RHEX: variants seen among roughly 807,000 people sequenced by gnomAD.
The protein encoded by RHEX is regulator of hemoglobinization and erythroid cell expansion.
In RHEX, 18 loss-of-function variants were observed where a neutral mutation model predicts 20.1. The observed-to-expected ratio is 0.90, with a 90% CI of 0.62 to 1.33. The LOEUF (loss-of-function observed/expected upper bound fraction) is 1.33, where lower values mean the gene tolerates loss of function less well. Among genes scored for constraint, RHEX ranks in the 40% most tolerant of loss-of-function variants. RHEX has a pLI of 0.00. For missense variants in RHEX, 192 were observed against 214.3 expected (o/e 0.90, Z 0.65); for synonymous variants, 87 against 77.1 (o/e 1.13, Z -0.67).
At chr1:206,071,859 C>CAAAAA (rs1245558004) in intron 1 of RHEX, among the ~76,000 whole-genome samples, 1 of 47,316 alleles carries the variant, frequency 2.1e-5, no homozygotes, top group African/African-American at 7.4e-5. Context: ...TCCAACAACT[C>CAAAAA]AAAAAAAAAA....
At chr1:206,081,989 A>C (rs889854359) in intron 1 of RHEX, among the ~76,000 whole-genome samples, 1 of 152,230 alleles carries the variant, frequency 6.6e-6, no homozygotes, top group Non-Finnish European at 1.5e-5. Flanking sequence ...GGGCAAACCT[A>C]GAGCAGGTGG....
intron 1 of RHEX, among the ~76,000 whole-genome samples, chr1:206,079,771 G>C (rs1055538935): frequency 1.3e-5 from 2 of 152,136 alleles, no homozygotes; most frequent in African/African-American, 4.8e-5. Context: ...GGTCATGCTG[G>C]TCTCAAACTC....
At chr1:206,079,441 A>T (rs1162193081) in intron 1 of RHEX, among the ~76,000 whole-genome samples, 1 of 152,226 alleles carries the variant, frequency 6.6e-6, no homozygotes, top group Non-Finnish European at 1.5e-5. Context: ...AACCAAAAAA[A>T]TTAGTATGTA....
intron 1 of RHEX, among the ~76,000 whole-genome samples, chr1:206,058,480 G>A (rs1323861216): frequency 6.6e-6 from 1 of 152,230 alleles, no homozygotes; most frequent in South Asian, 2.1e-4. Context: ...TTTATACTCA[G>A]TACCTCTTTT....
At chr1:206,078,282 G>A (rs1358484002) in intron 1 of RHEX, among the ~76,000 whole-genome samples, 5 of 152,184 alleles carry the variant, frequency 3.3e-5, no homozygotes, top group Admixed American at 2.0e-4. Context: ...GCTCATGTCT[G>A]TAATCCCAGC....
rs1663207065 is a variant in RHEX, at chr1:206,102,231, T to C, written c.*279T>C. The C allele has an allele frequency of 2.2e-6, 1 of 459,322 alleles. No individual in the cohort carries two copies. The highest frequency in any genetic ancestry group is 3.9e-6 in the Non-Finnish European group (1 of 254,074). 28.5% of individuals were successfully genotyped at this position (459,322 alleles called of 1,614,324 possible). ...CCCGGCAAGAAAGGTTGAGATCAGA[T>C]GTTAGGAAGAACTTTCAGGTAAAGT... is the stretch of plus-strand genomic sequence containing the variant. On this transcript the variant is annotated 3_prime_UTR_variant, in exon 6 of 6. Transcript: ENST00000331555.
intron 1 of RHEX, among the ~76,000 whole-genome samples, chr1:206,059,627 T>A (rs1489517581): frequency 2.0e-5 from 3 of 152,002 alleles, no homozygotes; most frequent in Non-Finnish European, 4.4e-5. Flanking sequence ...AAGAGAGCTT[T>A]GGGTTTGGAG....
rs1161308377 is a variant in RHEX at position 206,067,286 on chromosome 1, C to A, written c.-97+14021C>A. On this transcript the variant is annotated intron_variant, in intron 1 of 5. Transcript: ENST00000331555. The surrounding 1 kb of genome is among the most constrained non-coding windows in gnomAD (Gnocchi z 4.6). ...TTTCATTCTGGTTCCACAGGGGACT[C>A]CAGAACGTGATTCCCGGTCTCTCCA... Among the ~76,000 whole-genome samples the A allele has an allele frequency of 1.3e-5, 2 of 152,132 alleles. No individual in the cohort carries two copies. The highest frequency in any genetic ancestry group is 2.9e-5 in the Non-Finnish European group (2 of 68,030).
chr1:206,061,915 A>G, intron 1 of RHEX: 1 of 152,284 alleles, frequency 6.6e-6, no homozygotes, highest in Middle Eastern at 3.4e-3. Context: ...TGTGTTTAAA[A>G]AAAAAAAAAT....
chr1:206,079,471 G>A (rs1391352232), intron 1 of RHEX, among the ~76,000 whole-genome samples: 1 of 152,192 alleles, frequency 6.6e-6, no homozygotes, highest in Non-Finnish European at 1.5e-5. Flanking sequence ...CCATCACAGT[G>A]TAGTTGCCAA....
At chr1:206,055,801 G>A (rs1027423911) in intron 1 of RHEX, among the ~76,000 whole-genome samples, 18 of 152,274 alleles carry the variant, frequency 1.2e-4, no homozygotes, top group African/African-American at 3.9e-4. Context: ...AAGAGAAAAA[G>A]TGGCAGTTGG....
chr1:206,062,217 G>GTAAA (rs1553283388), intron 1 of RHEX: 1 of 152,198 alleles, frequency 6.6e-6, no homozygotes, highest in African/African-American at 2.4e-5. Context: ...TCTAAAAAAA[G>GTAAA]TAAATAAATA....
chr1:206,086,019 C>T (rs1012834944), intron 1 of RHEX, among the ~76,000 whole-genome samples: 9 of 152,130 alleles, frequency 5.9e-5, no homozygotes, highest in Non-Finnish European at 1.3e-4. Flanking sequence ...TCCTGTAACC[C>T]TCTGTTGTCC....
At chr1:206,068,898 G>A (rs1662479042) in intron 1 of RHEX, among the ~76,000 whole-genome samples, 1 of 152,226 alleles carries the variant, frequency 6.6e-6, no homozygotes, top group Admixed American at 6.5e-5. Context: ...CTGGTTTAAA[G>A]GGGTACCTGT....
chr1:206,089,935 T>G (rs1351902210), intron 1 of RHEX, among the ~76,000 whole-genome samples: 2 of 152,102 alleles, frequency 1.3e-5, no homozygotes, highest in Non-Finnish European at 2.9e-5. Context: ...AATGGCTCGA[T>G]TTTAAAATAT....
chr1:206,071,584 C>T (rs1553284669), intron 1 of RHEX, among the ~76,000 whole-genome samples: 2 of 145,874 alleles, frequency 1.4e-5, no homozygotes, highest in African/African-American at 5.1e-5. Flanking sequence ...CAGTGACTCA[C>T]ATTTGTCATC....
In RHEX at chr1:206,098,099, T is replaced by A; in HGVS notation, c.30T>A (p.His10Gln). MLTEVMEVWHGLVIAVVSLF... is the reference protein window; with the variant it reads MLTEVMEVWQGLVIAVVSLF... ...CCAACAGAGTCATGGAGGTCTGGCA[T>A]GGCTTAGTGATCGCGGTGGTGTCCC... The change falls in exon 3 of 6, where the codon CAT becomes CAA. Residue 10 changes from histidine (H) to glutamine (Q), a missense_variant. His to Gln is a conservative substitution (Grantham distance 24, BLOSUM62 0). Transcript: ENST00000331555. The A allele has an allele frequency of 1.2e-6, 2 of 1,614,022 alleles. No homozygotes were observed. Among genetic ancestry groups the A allele is most frequent in the Non-Finnish European group, 1.7e-6 (2 of 1,179,868 alleles).
chr1:206,069,977 ATG>A (rs1662496718), intron 1 of RHEX, among the ~76,000 whole-genome samples: 1 of 152,108 alleles, frequency 6.6e-6, no homozygotes, highest in Non-Finnish European at 1.5e-5. Flanking sequence ...AACCACATAT[ATG>A]TATAAATTCA....
chr1:206,063,902 G>A (rs1231789295), intron 1 of RHEX, among the ~76,000 whole-genome samples: 5 of 151,530 alleles, frequency 3.3e-5, no homozygotes, highest in Non-Finnish European at 7.4e-5. Flanking sequence ...AGTCTGGAAA[G>A]TGAGGAGCGT....
Sources: gnomAD v4.1 joint callset for allele counts (sites outside exome capture counted in the v4.1 genomes callset) on GRCh38, gnomAD v4.1.1 for gene constraint, Gnocchi (gnomAD v3.1) non-coding constraint, MANE v1.5 for transcripts, NCBI Gene and HGNC (gene_info 2026-07-23, HGNC 2026-07-21) for gene names.